Variants in AGBL1 observed in about 807,000 individuals in gnomAD.
The protein encoded by AGBL1 is AGBL carboxypeptidase 1.
Under a neutral mutation model 118.9 loss-of-function variants are expected in AGBL1, and 130 were observed. The ratio of observed to expected loss-of-function variants is 1.09; its 90% CI spans 0.95 to 1.26. The LOEUF is 1.26. Among genes scored for constraint, AGBL1 ranks in the 50% most tolerant of loss-of-function variants. AGBL1 has a pLI of 0.00. For missense variants in AGBL1, 1,584 were observed against 1,298.1 expected (o/e 1.22, Z -3.38); for synonymous variants, 555 against 478.9 (o/e 1.16, Z -2.08).
At chr15:86,779,750 T>C (rs981888175) in intron 22 of AGBL1, among the ~76,000 whole-genome samples, 1 of 152,174 alleles carries the variant, frequency 6.6e-6, no homozygotes, top group Non-Finnish European at 1.5e-5. Flanking sequence ...GTGGTTTAAT[T>C]TCCATTTTTT....
At chr15:86,637,129 C>T (rs1035762289) in intron 21 of AGBL1, among the ~76,000 whole-genome samples, 5 of 151,966 alleles carry the variant, frequency 3.3e-5, no homozygotes, top group African/African-American at 1.2e-4. Flanking sequence ...TTGGTACCTG[C>T]CCTCATAGAG....
At chr15:87,011,517 C>T (rs976513037) in intron 24 of AGBL1, among the ~76,000 whole-genome samples, 1 of 152,164 alleles carries the variant, frequency 6.6e-6, no homozygotes, top group African/African-American at 2.4e-5. Flanking sequence ...CTGTATGTCA[C>T]CAAAATATTC....
chr15:86,316,686 G>T (rs2080017252), intron 17 of AGBL1: 1 of 152,214 alleles, frequency 6.6e-6, no homozygotes. Flanking sequence ...GGGAAAAATG[G>T]GTCAGAGGGT....
intron 22 of AGBL1, among the ~76,000 whole-genome samples, chr15:86,895,803 A>G (rs1307046678): frequency 2.0e-5 from 3 of 152,062 alleles, no homozygotes; most frequent in African/African-American, 7.2e-5. Flanking sequence ...TCCCTTATTT[A>G]AAGATAATCT....
chr15:86,156,794 C>CTTTTTTTTTTTTT (rs773611214), intron 4 of AGBL1, among the ~76,000 whole-genome samples: 1 of 105,564 alleles, frequency 9.5e-6, no homozygotes, highest in African/African-American at 3.3e-5. Flanking sequence ...TCTTTTCTTT[C>CTTTTTTTTTTTTT]TTTTTTTTTT....
At chr15:86,937,344 T>C (rs72754076) in intron 23 of AGBL1, among the ~76,000 whole-genome samples, 3,223 of 152,260 alleles carry the variant, frequency 0.021, 57 homozygotes, top group Non-Finnish European at 0.035. Flanking sequence ...TATAAAGACA[T>C]AAGCACACAA....
chr15:86,344,988 T>G (rs2080514217), intron 17 of AGBL1, among the ~76,000 whole-genome samples: 1 of 152,168 alleles, frequency 6.6e-6, no homozygotes, highest in Non-Finnish European at 1.5e-5. Flanking sequence ...CTACAATTAA[T>G]TATTTAATCA....
intron 22 of AGBL1, among the ~76,000 whole-genome samples, chr15:86,808,794 G>C (rs1483266496): frequency 1.4e-5 from 2 of 147,778 alleles, no homozygotes; most frequent in African/African-American, 5.0e-5. Flanking sequence ...TTCTCATCTG[G>C]ATCATGGTTT....
chr15:86,781,812 G>A (rs1421143802), intron 22 of AGBL1, among the ~76,000 whole-genome samples: 2 of 152,004 alleles, frequency 1.3e-5, no homozygotes, highest in Admixed American at 6.5e-5. Context: ...TCATTTACAT[G>A]TATCTTGTTA....
intron 4 of AGBL1, 129 bp from the exon 5 acceptor site, chr15:86,158,804 G>C: frequency 1.4e-6 from 1 of 722,584 alleles, no homozygotes; most frequent in Admixed American, 2.3e-5. Flanking sequence ...TGCAACCAGG[G>C]TGGAAAAGAA....
rs534164319 is a variant in AGBL1, at chr15:86,589,790, T to A, written c.2994+35253T>A. Among the ~76,000 whole-genome samples, 42 of 152,300 alleles carry A rather than the reference T, an allele frequency of 2.8e-4. No homozygotes were observed. The East Asian group carries it at 7.7e-3, about 28-fold the overall frequency. On this transcript the variant is annotated intron_variant, in intron 21 of 22. Transcript: ENST00000614907. ...TTAGTCTACTTCTTTATCTAATCTA[T>A]CATTTCTCTATCTGTCCACACATAT...
In AGBL1 at chr15:86,269,917, A is replaced by T. The variant is rs1256503913; in HGVS notation, c.1839-2A>T. The T allele has an allele frequency of 6.2e-7, 1 of 1,613,418 alleles. No individual in the cohort carries two copies. The highest frequency in any genetic ancestry group is 8.5e-7 in the Non-Finnish European group (1 of 1,179,568). On this transcript the variant is annotated splice_acceptor_variant, in intron 13 of 22. Coordinates refer to ENST00000614907, the MANE Select transcript of AGBL1 (RefSeq NM_001386094.1). LOFTEE classifies it high-confidence loss of function. The stretch of plus-strand genomic sequence containing the variant: ...CCCTCCAGTCTTGCTTCTGATCTGC[A>T]GGTTCGAGTATGACTTGCTGGTCAA...
intron 5 of AGBL1, among the ~76,000 whole-genome samples, chr15:86,178,192 A>G (rs1281033762): frequency 6.6e-6 from 1 of 152,170 alleles, no homozygotes; most frequent in Non-Finnish European, 1.5e-5. Context: ...ACCTGCCCGT[A>G]ATCCCAGCTA....
At chr15:86,620,950 T>C (rs550161322) in intron 21 of AGBL1, among the ~76,000 whole-genome samples, 1 of 152,320 alleles carries the variant, frequency 6.6e-6, no homozygotes, top group Admixed American at 6.5e-5. Context: ...TTCCCTCCAG[T>C]TAAATCTCTC....
At chr15:86,743,028 G>A (rs1264651403) in intron 22 of AGBL1, among the ~76,000 whole-genome samples, 1 of 152,082 alleles carries the variant, frequency 6.6e-6, no homozygotes, top group Non-Finnish European at 1.5e-5. Context: ...CTAGATGAAA[G>A]CAGGGCTCAA....
intron 16 of AGBL1, among the ~76,000 whole-genome samples, chr15:86,292,896 T>C (rs1012942321): frequency 2.2e-4 from 33 of 152,330 alleles, no homozygotes; most frequent in African/African-American, 7.5e-4. Flanking sequence ...GTTATGCTGA[T>C]GAAGGTTGGG....
intron 11 of AGBL1, among the ~76,000 whole-genome samples, chr15:86,265,887 TCTTAGAAGATTGAC>T (rs1193352636): frequency 6.6e-6 from 1 of 152,224 alleles, no homozygotes; most frequent in Non-Finnish European, 1.5e-5. Flanking sequence ...TTTTGGTGTT[TCTTAGAAGATTGAC>T]CTTAGCCTAC....
intron 18 of AGBL1, among the ~76,000 whole-genome samples, chr15:86,422,387 C>G (rs1490543235): frequency 6.6e-6 from 1 of 152,162 alleles, no homozygotes; most frequent in Non-Finnish European, 1.5e-5. Flanking sequence ...TAAAGAAATT[C>G]TCTGAAACCA....
intron 22 of AGBL1, among the ~76,000 whole-genome samples, chr15:86,844,275 CT>C (rs1344588100): frequency 6.6e-6 from 1 of 152,158 alleles, no homozygotes; most frequent in African/African-American, 2.4e-5. Context: ...ATACGTTTCA[CT>C]TTTAAGTAAC....
Sources: gnomAD v4.1 joint callset for allele counts (sites outside exome capture counted in the v4.1 genomes callset) on GRCh38, gnomAD v4.1.1 for gene constraint, MANE v1.5 for transcripts, NCBI Gene and HGNC (gene_info 2026-07-23, HGNC 2026-07-21) for gene names.